Variants in SDC2 observed in about 807,000 individuals in gnomAD.
The protein encoded by SDC2 is syndecan 2, also known as syndecan-2.
Under a neutral mutation model 22.2 loss-of-function variants are expected in SDC2, and 13 were observed. The ratio of observed to expected loss-of-function variants is 0.59; its 90% CI spans 0.38 to 0.93. The LOEUF (loss-of-function observed/expected upper bound fraction) is 0.93. Among genes scored for constraint, SDC2 ranks in the 40% least tolerant of loss-of-function variants. SDC2 has a pLI of 0.00. For missense variants in SDC2, 235 were observed against 246.8 expected (o/e 0.95, Z 0.32); for synonymous variants, 94 against 92.8 (o/e 1.01, Z -0.07).
chr8:96,531,163 C>T (rs1045545480), intron 1 of SDC2, among the ~76,000 whole-genome samples: 3 of 152,138 alleles, frequency 2.0e-5, no homozygotes, highest in African/African-American at 7.2e-5. Flanking sequence ...ATTTACATAT[C>T]GAGACCCAGA....
chr8:96,576,488 C>T (rs1403732752), intron 1 of SDC2, among the ~76,000 whole-genome samples: 2 of 83,412 alleles, frequency 2.4e-5, no homozygotes, highest in African/African-American at 4.1e-5. Context: ...GGCGGGACCT[C>T]GGCTCACTGC....
At chr8:96,601,908 G>A (rs1191172974) in intron 2 of SDC2, among the ~76,000 whole-genome samples, 5 of 151,406 alleles carry the variant, frequency 3.3e-5, no homozygotes, top group Non-Finnish European at 5.9e-5. Flanking sequence ...ACAGGCGTGC[G>A]CCGCCACGCC....
intron 1 of SDC2, among the ~76,000 whole-genome samples, chr8:96,517,771 ATG>A (rs34151563): frequency 0.21 from 31,850 of 149,204 alleles, 3,589 homozygotes; most frequent in Middle Eastern, 0.39. Flanking sequence ...GTGTGTGTGC[ATG>A]TGTGTGTGTG....
At chr8:96,536,429 TC>T (rs1175237994) in intron 1 of SDC2, among the ~76,000 whole-genome samples, 1 of 152,174 alleles carries the variant, frequency 6.6e-6, no homozygotes, top group African/African-American at 2.4e-5. Context: ...CAAGGGATCC[TC>T]CCACCTCAGC....
At chr8:96,554,438 AAGT>A (rs1814077230) in intron 1 of SDC2, among the ~76,000 whole-genome samples, 2 of 152,170 alleles carry the variant, frequency 1.3e-5, no homozygotes, top group East Asian at 1.9e-4. Context: ...AAAGGAAAAA[AAGT>A]AGGTTTTAAG....
chr8:96,494,213 G>C lies in SDC2; in HGVS notation c.-59G>C. 1.3e-6 allele frequency: 2 copies of C among 1,501,166 alleles called. No individual in the cohort carries two copies. Among genetic ancestry groups the C allele is most frequent in the Non-Finnish European group, 1.8e-6 (2 of 1,113,420 alleles). The allele number at this position is 1,501,166 out of a possible 1,614,324, so 93.0% of individuals were successfully genotyped here. On this transcript the variant is annotated 5_prime_UTR_variant, in exon 1 of 5. Coordinates refer to ENST00000302190, the MANE Select transcript of SDC2 (RefSeq NM_002998.4). ...GCGGGCTGCGCCGAGCGCTGGGCAG[G>C]AGGCTTCGTTTTGCCCTGGTTGCAA...
chr8:96,580,787 C>T (rs558907092), intron 1 of SDC2, among the ~76,000 whole-genome samples: 70 of 152,138 alleles, frequency 4.6e-4, no homozygotes, highest in Non-Finnish European at 8.4e-4. Context: ...TTGCCATTGG[C>T]TACTTTACAG....
At chr8:96,572,129 G>A (rs1814406841) in intron 1 of SDC2, among the ~76,000 whole-genome samples, 1 of 152,146 alleles carries the variant, frequency 6.6e-6, no homozygotes, top group South Asian at 2.1e-4. Context: ...CTCATTGTGT[G>A]TTACTACTGC....
At chr8:96,602,973 G>A (rs1016894425) in intron 3 of SDC2, among the ~76,000 whole-genome samples, 21 of 152,108 alleles carry the variant, frequency 1.4e-4, no homozygotes, top group African/African-American at 3.1e-4. Flanking sequence ...TTCCTAGGCC[G>A]ACCATCAGTA....
chr8:96,597,606 A>T (rs1205585795), intron 2 of SDC2, among the ~76,000 whole-genome samples: 9 of 152,262 alleles, frequency 5.9e-5, no homozygotes, highest in Middle Eastern at 3.4e-3. Flanking sequence ...ACAGAAAAAC[A>T]TAGTAAATTC....
chr8:96,546,045 A>T (rs866580820), intron 1 of SDC2, among the ~76,000 whole-genome samples: 1 of 152,334 alleles, frequency 6.6e-6, no homozygotes, highest in South Asian at 2.1e-4. Flanking sequence ...GACCGCTGAC[A>T]AAGGAGTTCA....
At chr8:96,555,670 C>T (rs901413813) in intron 1 of SDC2, among the ~76,000 whole-genome samples, 2 of 152,230 alleles carry the variant, frequency 1.3e-5, no homozygotes, top group South Asian at 2.1e-4. Context: ...ATGTGTAATA[C>T]GTCATGGTTT....
At chr8:96,522,991 T>C (rs945711436) in intron 1 of SDC2, among the ~76,000 whole-genome samples, 1 of 152,218 alleles carries the variant, frequency 6.6e-6, no homozygotes, top group Non-Finnish European at 1.5e-5. Flanking sequence ...TGCTTGTTAC[T>C]TGGCGTTTGG....
At chr8:96,563,935 C>T (rs1814252803) in intron 1 of SDC2, among the ~76,000 whole-genome samples, 2 of 152,196 alleles carry the variant, frequency 1.3e-5, no homozygotes, top group African/African-American at 2.4e-5. Flanking sequence ...GAGCCACTGG[C>T]GGCTACACTC....
intron 1 of SDC2, among the ~76,000 whole-genome samples, chr8:96,551,650 G>A (rs906954843): frequency 6.6e-6 from 1 of 152,142 alleles, no homozygotes; most frequent in African/African-American, 2.4e-5. Context: ...TTTCAGGGTG[G>A]TTAATTTTGG....
intron 1 of SDC2, among the ~76,000 whole-genome samples, chr8:96,514,265 G>A (rs1333368089): frequency 2.6e-5 from 4 of 152,160 alleles, no homozygotes; most frequent in Non-Finnish European, 5.9e-5. Context: ...AGCAGTGAGT[G>A]CCTGGGAGAA....
intron 1 of SDC2, among the ~76,000 whole-genome samples, chr8:96,498,736 C>T (rs1422822418): frequency 2.6e-5 from 4 of 152,160 alleles, no homozygotes; most frequent in South Asian, 2.1e-4. Context: ...GCTGATCCAC[C>T]GCCTCGGCCA....
chr8:96,608,129 C>T (rs551369964), intron 3 of SDC2, among the ~76,000 whole-genome samples: 8 of 152,248 alleles, frequency 5.3e-5, no homozygotes, highest in South Asian at 2.1e-4. Context: ...CCTGATCATG[C>T]GATGGGTGTT....
intron 1 of SDC2, among the ~76,000 whole-genome samples, chr8:96,506,643 G>C (rs1813243482): frequency 6.6e-6 from 1 of 151,944 alleles, no homozygotes; most frequent in South Asian, 2.1e-4. Flanking sequence ...CTGAGTTTTT[G>C]TTGTTGTTGT....
Sources: allele counts gnomAD v4.1 joint callset (sites outside exome capture counted in the v4.1 genomes callset), GRCh38; gene constraint gnomAD v4.1.1; transcripts MANE v1.5; gene names NCBI Gene and HGNC (gene_info 2026-07-23, HGNC 2026-07-21).